Variants in OSBPL8 observed in about 807,000 individuals in gnomAD.
OSBPL8 encodes oxysterol-binding protein-related protein 8.
In OSBPL8, 59 loss-of-function variants were observed where a neutral mutation model predicts 125.5. That is an observed-to-expected ratio of 0.47 (90% confidence interval 0.38 to 0.58). The LOEUF is 0.58. OSBPL8 is among the 20% of genes least tolerant of loss of function. OSBPL8 has a pLI of 0.00. For missense variants in OSBPL8, 758 were observed against 1,047.8 expected (o/e 0.72, Z 3.82); for synonymous variants, 330 against 338.9 (o/e 0.97, Z 0.29).
rs117483697 is a variant in OSBPL8, at chr12:76,523,442, C to T, written c.-67-35824G>A. ...ACAGGTATTTTATAAAAAGTCAATT[C>T]CTCACTGCTATGAACTTGAATATTT... On this transcript the variant is annotated intron_variant, in intron 1 of 23. Transcript: ENST00000261183. Among the ~76,000 whole-genome samples the T allele has an allele frequency of 8.0e-3, 1,218 of 152,242 alleles. 7 individuals are homozygous for T. The highest frequency in any genetic ancestry group is 0.013 in the Non-Finnish European group (879 of 68,022).
Position 76,450,875 on chromosome 12 carries a change from T to G in OSBPL8, c.193A>C (p.Ser65Arg), listed in dbSNP as rs1400659878. Residue 65 changes from serine to arginine, a missense_variant, in exon 4 of 24, where the codon AGT (serine) becomes CGT (arginine). Ser to Arg is a moderately radical substitution (Grantham distance 110). Around this residue, in one of 3 missense-constraint regions of OSBPL8, gnomAD observed 117 missense variants for 137.1 expected, o/e 0.85. Transcript: ENST00000261183. ...PTKDLHQPSL[S>R]PASPHSQGFE... ...CCCTGGCTATGAGGACTTGCTGGAC[T>G]AAGAGATGGCTGATGCAAATCTTTG... 6.2e-7 allele frequency: 1 copy of G among 1,613,274 alleles called. No individual in the cohort carries two copies. Among genetic ancestry groups the G allele is most frequent in the Non-Finnish European group, 8.5e-7 (1 of 1,179,588 alleles).
intron 21 of OSBPL8, chr12:76,366,480 C>G (rs968387457): frequency 5.8e-6 from 2 of 342,098 alleles, no homozygotes; most frequent in South Asian, 4.7e-5. Flanking sequence ...TGATTTTTAT[C>G]AAAGAGCAAC....
chr12:76,380,388 A>G (rs374784861), intron 15 of OSBPL8, among the ~76,000 whole-genome samples: 2 of 151,946 alleles, frequency 1.3e-5, no homozygotes, highest in East Asian at 3.9e-4. Context: ...GGATGCTATT[A>G]TAATTGGAGT....
At chr12:76,429,802 T>A (rs1413511494) in intron 4 of OSBPL8, among the ~76,000 whole-genome samples, 1 of 152,120 alleles carries the variant, frequency 6.6e-6, no homozygotes, top group Non-Finnish European at 1.5e-5. Context: ...TAATGCTTAC[T>A]GTCTCTCTCC....
intron 2 of OSBPL8, among the ~76,000 whole-genome samples, chr12:76,469,106 A>G (rs904358725): frequency 1.3e-5 from 2 of 151,764 alleles, no homozygotes; most frequent in African/African-American, 4.8e-5. Flanking sequence ...TTTCCAACCT[A>G]TTTTCTCTTT....
At chr12:76,513,489 T>C (rs1469578485) in intron 1 of OSBPL8, among the ~76,000 whole-genome samples, 3 of 152,222 alleles carry the variant, frequency 2.0e-5, no homozygotes, top group Admixed American at 6.5e-5. Context: ...TTTAACTTTC[T>C]GCCTTGATGA....
intron 4 of OSBPL8, among the ~76,000 whole-genome samples, chr12:76,445,143 G>A (rs1872599436): frequency 6.6e-6 from 1 of 152,086 alleles, no homozygotes; most frequent in Non-Finnish European, 1.5e-5. Context: ...GTATGTTGGA[G>A]GGCAAGGTTC....
intron 2 of OSBPL8, among the ~76,000 whole-genome samples, chr12:76,464,549 G>A (rs1451527678): frequency 6.6e-6 from 1 of 152,146 alleles, no homozygotes; most frequent in Admixed American, 6.5e-5. Context: ...TTTATTGTAT[G>A]TCTAAATATT....
At chr12:76,359,798 T>C (rs1379727087) in intron 21 of OSBPL8, among the ~76,000 whole-genome samples, 1 of 152,064 alleles carries the variant, frequency 6.6e-6, no homozygotes, top group Non-Finnish European at 1.5e-5. Context: ...ACGAGAACAA[T>C]ATGGGGGAAA....
intron 4 of OSBPL8, chr12:76,422,401 C>A: frequency 2.6e-6 from 1 of 382,806 alleles, no homozygotes. Context: ...TAAGCTTTCA[C>A]TACAGAATTG....
In OSBPL8 at chr12:76,392,650, G is replaced by A. The variant is rs1183844682; in HGVS notation, c.860C>T (p.Ser287Leu). 6.8e-6 allele frequency: 11 copies of A among 1,614,040 alleles called. No individual in the cohort carries two copies. The highest frequency in any genetic ancestry group is 9.3e-6 in the Non-Finnish European group (11 of 1,179,922). Reference sequence around the variant, plus strand: ...ATAGAAAGTCACATGTGTGCTATCTGATGAAACGCTCAGGTCATGTTCCTT... The same window carrying A: ...ATAGAAAGTCACATGTGTGCTATCTAATGAAACGCTCAGGTCATGTTCCTT... ...EGKEHDLSVS[S>L]DSTHVTFYGL... Residue 287 changes from serine to leucine, a missense_variant, in exon 10 of 24, where the codon TCA becomes TTA. This residue lies in a region of OSBPL8 where 572 missense variants were observed against 762.0 expected (regional missense o/e 0.75). Transcript: ENST00000261183.
chr12:76,394,330 T>C (rs1953702708), intron 9 of OSBPL8, among the ~76,000 whole-genome samples: 1 of 151,868 alleles, frequency 6.6e-6, no homozygotes, highest in Admixed American at 6.6e-5. Context: ...TAGTAAAATA[T>C]AAAAAGTATT....
At chr12:76,494,075 C>G (rs1275266638) in intron 1 of OSBPL8, among the ~76,000 whole-genome samples, 1 of 152,058 alleles carries the variant, frequency 6.6e-6, no homozygotes, top group Non-Finnish European at 1.5e-5. Flanking sequence ...TCTGTGTTCT[C>G]CTGTAGTTCA....
intron 4 of OSBPL8, among the ~76,000 whole-genome samples, chr12:76,441,770 T>C (rs1821918088): frequency 6.6e-6 from 1 of 151,992 alleles, no homozygotes; most frequent in African/African-American, 2.4e-5. Context: ...AGAAGGATGG[T>C]TACTGGAGGC....
In OSBPL8 at chr12:76,358,743, G is replaced by A; in HGVS notation, c.2397C>T (p.Ser799=). The stretch of plus-strand genomic sequence containing the variant: ...AGGAGTCTTGAATGTCAGGTTCTGG[G>A]GAGGAATAGCCTTTTGCTACTTTCT... The part of the protein sequence containing the change: ...QQKKVAKGYS[S]PEPDIQDSSG... Residue 799 remains serine (S), a synonymous_variant, in exon 22 of 24, where the codon TCC becomes TCT. Coordinates refer to ENST00000261183, the MANE Select transcript of OSBPL8 (RefSeq NM_020841.5). 1 of 1,613,994 alleles carries A rather than the reference G, an allele frequency of 6.2e-7. No individual in the cohort carries two copies. Among genetic ancestry groups the A allele is most frequent in the South Asian group, 1.1e-5 (1 of 91,076 alleles).
At chr12:76,550,480 G>C (rs1202622051) in intron 1 of OSBPL8, among the ~76,000 whole-genome samples, 1 of 152,154 alleles carries the variant, frequency 6.6e-6, no homozygotes, top group African/African-American at 2.4e-5. Context: ...ACGTGTATTT[G>C]TTTAGGCCAG....
chr12:76,455,025 G>A (rs1010644466), intron 3 of OSBPL8, among the ~76,000 whole-genome samples: 1 of 151,508 alleles, frequency 6.6e-6, no homozygotes, highest in African/African-American at 2.4e-5. Flanking sequence ...ACGAGGTCAG[G>A]AGATTGAGAC....
chr12:76,523,028 G>T (rs1158356473), intron 1 of OSBPL8, among the ~76,000 whole-genome samples: 1 of 152,032 alleles, frequency 6.6e-6, no homozygotes, highest in Non-Finnish European at 1.5e-5. Context: ...TGTAGAGACG[G>T]GGTCTTGCCC....
At chr12:76,537,938 T>C (rs1190003466) in intron 1 of OSBPL8, 1 of 152,096 alleles carries the variant, frequency 6.6e-6, no homozygotes, top group Non-Finnish European at 1.5e-5. Context: ...ATAAAATAAA[T>C]AAAGACAGTA....
Sources: allele counts gnomAD v4.1 joint callset (sites outside exome capture counted in the v4.1 genomes callset), GRCh38; gene constraint gnomAD v4.1.1; regional missense constraint gnomAD v4.1.1; transcripts MANE v1.5; gene names NCBI Gene and HGNC (gene_info 2026-07-23, HGNC 2026-07-21).